The following GABRB3 variants were observed in gnomAD, a reference collection of about 807,000 sequenced individuals.
GABRB3 encodes gamma-aminobutyric acid type A receptor subunit beta3.
A neutral mutation model predicts 52.1 loss-of-function variants in GABRB3; 14 were observed. That is an observed-to-expected ratio of 0.27 (90% confidence interval 0.18 to 0.42). The LOEUF (loss-of-function observed/expected upper bound fraction) is 0.42, where lower values mean the gene tolerates loss of function less well. GABRB3 is among the 10% of genes least tolerant of loss of function. The probability of loss-of-function intolerance (pLI) is 1.00; values close to 1 mark genes in which losing one functional copy is unlikely to be tolerated. For synonymous variants in GABRB3, 260 were observed against 232.3 expected (o/e 1.12, Z -1.08); for missense variants, 307 against 609.1 (o/e 0.50, Z 5.22).
At chr15:26,561,801 A>T (rs1489239148) in intron 7 of GABRB3, among the ~76,000 whole-genome samples, 1 of 152,248 alleles carries the variant, frequency 6.6e-6, no homozygotes, top group Non-Finnish European at 1.5e-5. Flanking sequence ...TTCTGAGGGA[A>T]GATGATCTCA....
chr15:26,668,235 AT>A (rs797006552), intron 3 of GABRB3, among the ~76,000 whole-genome samples: 39 of 152,228 alleles, frequency 2.6e-4, no homozygotes, highest in African/African-American at 9.4e-4. Context: ...AATGAATACA[AT>A]TTACTTAACT....
In GABRB3 at chr15:26,716,056, A is replaced by G. The variant is rs116431532; in HGVS notation, c.240+56346T>C. Reference sequence around the variant, plus strand: ...ATGCAGGAATTCCCCACACCTTCTAAAGCAAGTGCATCCAACTCAAGCTAT... The same window carrying G: ...ATGCAGGAATTCCCCACACCTTCTAGAGCAAGTGCATCCAACTCAAGCTAT... On this transcript the variant is annotated intron_variant, in intron 3 of 8. Coordinates refer to ENST00000311550, the MANE Select transcript of GABRB3 (RefSeq NM_000814.6). Among the ~76,000 whole-genome samples, 574 of 152,328 alleles carry G rather than the reference A, an allele frequency of 3.8e-3. 4 individuals are homozygous for G. Among genetic ancestry groups the G allele is most frequent in the African/African-American group, 0.013 (528 of 41,568 alleles).
intron 3 of GABRB3, among the ~76,000 whole-genome samples, chr15:26,752,800 T>C (rs1837408953): frequency 6.6e-6 from 1 of 152,100 alleles, no homozygotes; most frequent in Non-Finnish European, 1.5e-5. Context: ...TGGCACGCTG[T>C]ACAGTAGCTC....
intron 3 of GABRB3, among the ~76,000 whole-genome samples, chr15:26,757,611 G>A (rs1261475985): frequency 6.6e-6 from 1 of 152,186 alleles, no homozygotes; most frequent in Non-Finnish European, 1.5e-5. Flanking sequence ...TAAGTATTTA[G>A]AAGGAAAGAG....
rs781294125 is a variant in GABRB3, at chr15:26,580,416, G to A, written c.585C>T (p.Gly195=). The A allele has an allele frequency of 1.1e-4, 177 of 1,613,994 alleles. No homozygotes were observed. Among genetic ancestry groups the A allele is most frequent in the East Asian group, 2.5e-4 (11 of 44,888 alleles). The change falls in exon 6 of 9, where the codon GGC becomes GGT. Residue 195 remains glycine, a synonymous_variant. Transcript: ENST00000311550. ...TTDDIEFYWR[G]GDKAVTGVER... ...CCACTCCGGTAACAGCCTTGTCCCC[G>A]CCTCGCCAGTAAAACTCAATGTCAT... is the stretch of plus-strand genomic sequence containing the variant.
chr15:26,572,672 G>C (rs567431063), intron 6 of GABRB3, among the ~76,000 whole-genome samples: 7 of 152,352 alleles, frequency 4.6e-5, no homozygotes, highest in African/African-American at 1.7e-4. Flanking sequence ...CAAATAACTT[G>C]AAGTTGAGAA....
chr15:26,654,152 T>C (rs1274216787), intron 3 of GABRB3, among the ~76,000 whole-genome samples: 1 of 152,142 alleles, frequency 6.6e-6, no homozygotes, highest in Admixed American at 6.5e-5. Flanking sequence ...TTTTTTTGTT[T>C]GTTTGTTTTT....
chr15:26,554,190 A>ATAAAGTGTGTATATAT (rs1567097853), intron 8 of GABRB3, among the ~76,000 whole-genome samples: 26 of 31,542 alleles, frequency 8.2e-4, no homozygotes, highest in African/African-American at 2.1e-3. Context: ...ATATATATAT[A>ATAAAGTGTGTATATAT]CTATATATAT....
intron 3 of GABRB3, among the ~76,000 whole-genome samples, chr15:26,747,350 A>T (rs1035760957): frequency 1.2e-4 from 18 of 152,222 alleles, no homozygotes; most frequent in Non-Finnish European, 1.5e-4. Flanking sequence ...AAGTCTTCCA[A>T]TTCATGAAAA....
At chr15:26,652,344 C>T (rs577532729) in intron 3 of GABRB3, among the ~76,000 whole-genome samples, 6 of 152,274 alleles carry the variant, frequency 3.9e-5, no homozygotes, top group Middle Eastern at 6.8e-3. Context: ...ACTTAACGGC[C>T]TCAGGAGCTC....
At chr15:26,624,712 T>C (rs1268077866) in intron 3 of GABRB3, 1 of 984,472 alleles carries the variant, frequency 1.0e-6, no homozygotes, top group East Asian at 1.1e-4. Context: ...GCAAGGACTA[T>C]CACATCAGTG....
At position 26,621,262 on chromosome 15, in the gene GABRB3, A is replaced by G; in HGVS notation, c.461+52T>C. ...AATAATCATCTCAAGTGAGATATTCAACACCCATGCACCATGCAACAGCAA... is the reference window on the plus strand; with the variant it reads ...AATAATCATCTCAAGTGAGATATTCGACACCCATGCACCATGCAACAGCAA... On this transcript the variant is annotated intron_variant, in intron 4 of 8. Transcript: ENST00000311550. The surrounding 1 kb of genome is among the most constrained non-coding windows in gnomAD (Gnocchi z 4.1). The G allele has an allele frequency of 7.5e-7, 1 of 1,333,544 alleles. No individual in the cohort carries two copies. Among genetic ancestry groups the G allele is most frequent in the African/African-American group, 1.4e-5 (1 of 69,408 alleles). 82.6% of individuals were successfully genotyped at this position (1,333,544 alleles called of 1,614,324 possible).
At position 26,545,079 on chromosome 15, in the gene GABRB3, TATAAA is replaced by T. The variant is rs748631630; in HGVS notation, c.*2709_*2713del. The T allele has an allele frequency of 4.7e-4, 72 of 152,612 alleles. No homozygotes were observed. The highest frequency in any genetic ancestry group is 9.1e-4 in the Non-Finnish European group (62 of 68,028). 9.5% of individuals were successfully genotyped at this position (152,612 alleles called of 1,614,324 possible). On this transcript the variant is annotated 3_prime_UTR_variant, in exon 9 of 9. Coordinates refer to ENST00000311550, the MANE Select transcript of GABRB3 (RefSeq NM_000814.6). ...TCACAAGTTTTAAAAATGGAGAAGC[TATAAA>T]ATAATTTTGTTAGAAGAAAAGTAAT... is the stretch of plus-strand genomic sequence containing the variant.
At chr15:26,625,064 ATCCACTCCC>A in intron 3 of GABRB3, 1 of 633,806 alleles carries the variant, frequency 1.6e-6, no homozygotes, top group Non-Finnish European at 2.0e-6. Flanking sequence ...CTCGCTCCTC[ATCCACTCCC>A]TCCACTCCCT....
chr15:26,770,080 T>C (rs866759326), intron 3 of GABRB3, among the ~76,000 whole-genome samples: 1 of 152,206 alleles, frequency 6.6e-6, no homozygotes, highest in Non-Finnish European at 1.5e-5. Context: ...ATTGCTCTAT[T>C]TGAGGCTCCT....
chr15:26,773,092 G>A, upstream of GABRB3: 2 of 956,604 alleles, frequency 2.1e-6, no homozygotes, highest in Non-Finnish European at 1.3e-6. Flanking sequence ...AGGGCGGAGG[G>A]GGAGGGGAGG....
chr15:26,623,660 C>T (rs1892572868), intron 3 of GABRB3, among the ~76,000 whole-genome samples: 1 of 152,138 alleles, frequency 6.6e-6, no homozygotes, highest in Non-Finnish European at 1.5e-5. Flanking sequence ...ACTGAGCTTG[C>T]ACATTCTGGG....
At chr15:26,751,752 T>C (rs1054783579) in intron 3 of GABRB3, among the ~76,000 whole-genome samples, 3 of 152,160 alleles carry the variant, frequency 2.0e-5, no homozygotes, top group Non-Finnish European at 4.4e-5. Flanking sequence ...CATGCCTTCA[T>C]TTCTCTAGAT....
chr15:26,580,291 A>C, intron 6 of GABRB3, 28 bp downstream of exon 6: 4 of 1,613,930 alleles, frequency 2.5e-6, no homozygotes, highest in East Asian at 4.5e-5. Flanking sequence ...GTGCCCCTGA[A>C]GGGACTATAA....
Sources: allele counts gnomAD v4.1 joint callset (sites outside exome capture counted in the v4.1 genomes callset), GRCh38; gene constraint gnomAD v4.1.1; non-coding constraint Gnocchi (gnomAD v3.1); transcripts MANE v1.5; gene names NCBI Gene and HGNC (gene_info 2026-07-23, HGNC 2026-07-21).